PALM2AKAP2: variants seen among roughly 807,000 people sequenced by gnomAD.
PALM2AKAP2 encodes the protein PALM2-AKAP2 fusion protein.
Under a neutral mutation model 71.5 loss-of-function variants are expected in PALM2AKAP2, and 37 were observed. That is an observed-to-expected ratio of 0.52 (90% CI 0.40 to 0.68). The LOEUF is 0.68. Ranked by LOEUF, PALM2AKAP2 falls within the 30% of genes least tolerant of loss-of-function variation. PALM2AKAP2 has a pLI of 0.00. For missense variants in PALM2AKAP2, 1,224 were observed against 1,191.8 expected, an observed-to-expected ratio of 1.03 and a Z score of -0.40; for synonymous variants, 468 against 478.8, an observed-to-expected ratio of 0.98 and a Z score of 0.29.
chr9:110,096,623 A>C (rs904491783), intron 1 of PALM2AKAP2, among the ~76,000 whole-genome samples: 3 of 152,064 alleles, frequency 2.0e-5, no homozygotes, highest in African/African-American at 7.3e-5. Flanking sequence ...TATGTGGTAC[A>C]TGGCAGGTAA....
intron 6 of PALM2AKAP2, among the ~76,000 whole-genome samples, chr9:109,965,072 A>G (rs1203839590): frequency 1.3e-5 from 2 of 152,232 alleles, no homozygotes; most frequent in African/African-American, 4.8e-5. Context: ...CTAGAAAATA[A>G]AATGTTTATT....
chr9:110,011,014 A>AATATATATATATATATATATATAT (rs1554737804), intron 6 of PALM2AKAP2, among the ~76,000 whole-genome samples: 1 of 69,588 alleles, frequency 1.4e-5, no homozygotes, highest in Non-Finnish European at 2.4e-5. Context: ...AAAAAAAAAA[A>AATATATATATATATATATATATAT]ATATATATAT....
In PALM2AKAP2 at chr9:109,902,090, C is replaced by T. The variant is rs747796028; in HGVS notation, c.257+21409C>T. Among the ~76,000 whole-genome samples the T allele has an allele frequency of 9.4e-4, 143 of 152,068 alleles. 2 individuals are homozygous for T. The highest frequency in any genetic ancestry group is 2.9e-4 in the Non-Finnish European group (20 of 68,028). ...GAGCAGGATCTTATTACAGATGCAGCGAAAAGGGTACGTTTTTCAGTATCA... is the reference window on the plus strand; with the variant it reads ...GAGCAGGATCTTATTACAGATGCAGTGAAAAGGGTACGTTTTTCAGTATCA... On this transcript the variant is annotated intron_variant, in intron 3 of 9. Coordinates refer to the PALM2AKAP2 transcript ENST00000302798.
intron 1 of PALM2AKAP2, among the ~76,000 whole-genome samples, chr9:109,692,138 A>AT (rs998661687): frequency 1.3e-5 from 2 of 151,196 alleles, no homozygotes; most frequent in Non-Finnish European, 3.0e-5. Flanking sequence ...CCTGTAAAGT[A>AT]TGTAAGTCAA....
rs187725096 is a variant in PALM2AKAP2 at position 109,989,489 on chromosome 9, T to C, written c.497-26465T>C. Among the ~76,000 whole-genome samples the C allele has an allele frequency of 1.2e-3, 180 of 152,354 alleles. 1 individual carries two copies. Among genetic ancestry groups the C allele is most frequent in the African/African-American group, 4.3e-3 (177 of 41,576 alleles). On this transcript the variant is annotated intron_variant, in intron 6 of 9. Coordinates refer to the PALM2AKAP2 transcript ENST00000302798. The stretch of plus-strand genomic sequence containing the variant: ...CTGTTGCCCCTTTGGAATTGTGCCT[T>C]CAAATTCCATTTGCCTGGAACAGTC...
intron 3 of PALM2AKAP2, among the ~76,000 whole-genome samples, chr9:109,886,558 T>A (rs1185364245): frequency 1.3e-5 from 2 of 152,036 alleles, no homozygotes; most frequent in African/African-American, 2.4e-5. Context: ...TAAATGAAAA[T>A]GGGATGAGCT....
upstream of PALM2AKAP2, among the ~76,000 whole-genome samples, chr9:109,779,846 C>G (rs1476832777): frequency 1.3e-5 from 2 of 152,298 alleles, no homozygotes; most frequent in South Asian, 2.1e-4. Flanking sequence ...GTGGCCCCAG[C>G]CCCCACGTAA....
intron 3 of PALM2AKAP2, among the ~76,000 whole-genome samples, chr9:109,917,562 C>T (rs544867389): frequency 2.0e-5 from 3 of 148,984 alleles, no homozygotes; most frequent in South Asian, 4.3e-4. Context: ...GATCATCACT[C>T]ACTGCAGTCT....
intron 6 of PALM2AKAP2, among the ~76,000 whole-genome samples, chr9:109,958,212 T>C (rs546082163): frequency 1.8e-4 from 27 of 152,238 alleles, no homozygotes; most frequent in African/African-American, 6.5e-4. Context: ...AAGATGAAAT[T>C]AGAAAACTCC....
chr9:109,925,684 G>T (rs968905325), intron 5 of PALM2AKAP2, among the ~76,000 whole-genome samples: 2 of 152,038 alleles, frequency 1.3e-5, no homozygotes, highest in Admixed American at 6.5e-5. Context: ...GGCAAGAGCA[G>T]GTCTTTCACC....
At chr9:109,755,946 G>A (rs972159764) in intron 1 of PALM2AKAP2, among the ~76,000 whole-genome samples, 1 of 152,062 alleles carries the variant, frequency 6.6e-6, no homozygotes, top group South Asian at 2.1e-4. Context: ...ACCATGATAA[G>A]CATGCAGATT....
intron 7 of PALM2AKAP2, among the ~76,000 whole-genome samples, chr9:110,036,070 A>G (rs1003789729): frequency 1.3e-5 from 2 of 151,624 alleles, no homozygotes; most frequent in African/African-American, 4.8e-5. Flanking sequence ...GCCTCCCGAG[A>G]GTACAGGCAC....
At chr9:109,677,001 A>T (rs956180834) in intron 1 of PALM2AKAP2, among the ~76,000 whole-genome samples, 7 of 152,182 alleles carry the variant, frequency 4.6e-5, no homozygotes, top group Admixed American at 3.3e-4. Context: ...CCATGAGTTG[A>T]GTGCATGAGA....
exon 4 of PALM2AKAP2, chr9:110,170,281 T>G (rs1836830804): frequency 6.6e-6 from 1 of 152,622 alleles, no homozygotes; most frequent in Non-Finnish European, 1.5e-5. Flanking sequence ...AAGCAATAAT[T>G]AACTCAGACC....
At chr9:110,037,556 C>T (rs1292492044) in intron 7 of PALM2AKAP2, among the ~76,000 whole-genome samples, 1 of 152,134 alleles carries the variant, frequency 6.6e-6, no homozygotes, top group Non-Finnish European at 1.5e-5. Flanking sequence ...CTCTAGGCAT[C>T]TAGAAATTAA....
intron 6 of PALM2AKAP2, among the ~76,000 whole-genome samples, chr9:109,988,407 C>A (rs1004815534): frequency 3.9e-5 from 6 of 152,114 alleles, no homozygotes; most frequent in Non-Finnish European, 8.8e-5. Context: ...TATTCTGTAA[C>A]ATTTTTGAGT....
chr9:109,897,785 C>T (rs1830237661), intron 3 of PALM2AKAP2, among the ~76,000 whole-genome samples: 1 of 152,132 alleles, frequency 6.6e-6, no homozygotes, highest in African/African-American at 2.4e-5. Flanking sequence ...TATAGATTTA[C>T]AGTTTAATTG....
chr9:110,106,704 A>G (rs984324862), intron 1 of PALM2AKAP2, among the ~76,000 whole-genome samples: 6 of 152,204 alleles, frequency 3.9e-5, no homozygotes, highest in Non-Finnish European at 8.8e-5. Flanking sequence ...AGTGGATTTG[A>G]GAGGTCTGAA....
intron 7 of PALM2AKAP2, among the ~76,000 whole-genome samples, chr9:110,032,562 G>A (rs995226376): frequency 2.6e-5 from 4 of 151,484 alleles, no homozygotes; most frequent in South Asian, 2.1e-4. Context: ...ATGGTGGCGC[G>A]TGCCTGTAGT....
Sources: allele counts gnomAD v4.1 joint callset (sites outside exome capture counted in the v4.1 genomes callset), GRCh38; gene constraint gnomAD v4.1.1; transcripts MANE v1.5; gene names NCBI Gene and HGNC (gene_info 2026-07-23, HGNC 2026-07-21).